The following IDUA variants were observed in gnomAD, a reference collection of about 807,000 sequenced individuals.
The protein encoded by IDUA is iduronidase alpha-L-.
A neutral mutation model predicts 68.9 loss-of-function variants in IDUA; 65 were observed. The observed-to-expected ratio is 0.94, with a 90% CI of 0.77 to 1.16. IDUA has a LOEUF of 1.16. Among genes scored for constraint, IDUA ranks in the 50% most tolerant of loss-of-function variants. The pLI is 0.00. For missense variants in IDUA, 1,046 were observed against 938.0 expected (o/e 1.12, Z -1.50); for synonymous variants, 529 against 433.6 (o/e 1.22, Z -2.73).
Position 987,808 on chromosome 4 carries a change from G to GC in IDUA, c.164dup (p.Leu56AlafsTer7), listed in dbSNP as rs727503966. The GC allele has an allele frequency of 8.1e-6, 13 of 1,612,180 alleles. No homozygotes were observed. The East Asian group carries it at 2.5e-4, about 30-fold the overall frequency. On this transcript the variant is annotated frameshift_variant and splice_region_variant. Coordinates refer to ENST00000514224, the MANE Select transcript of IDUA (RefSeq NM_000203.5). LOFTEE classifies it high-confidence loss of function. ...CTGAGCCGCCCCTTTGTTGTCCCCA[G>GC]CCCCCCGCTGCCACACAGCCAGGCT...
At position 1,001,973 on chromosome 4, in the gene IDUA, C is replaced by A. The variant is rs375798875; in HGVS notation, c.793-9C>A. The A allele has an allele frequency of 2.7e-5, 42 of 1,577,300 alleles. No individual in the cohort carries two copies. The highest frequency in any genetic ancestry group is 3.6e-5 in the Non-Finnish European group (42 of 1,163,252). On this transcript the variant is annotated splice_polypyrimidine_tract_variant and intron_variant, in intron 6 of 13. Transcript: ENST00000514224. ...GACCCTGGTGGTGCTGAGGCGGCCC[C>A]GCCCGCAGGGTGCGCGCAGCTCCAT...
At chr4:995,336 C>A (rs1226870253) in intron 2 of IDUA, among the ~76,000 whole-genome samples, 4 of 151,902 alleles carry the variant, frequency 2.6e-5, no homozygotes, top group Admixed American at 2.0e-4. Flanking sequence ...AGCCACCGTG[C>A]CCGGCCAGTT....
At position 997,977 on chromosome 4, in the gene IDUA, G is replaced by C. The variant is rs114812668; in HGVS notation, c.300-2635G>C. On this transcript the variant is annotated intron_variant, in intron 2 of 13. Coordinates refer to ENST00000514224, the MANE Select transcript of IDUA (RefSeq NM_000203.5). Reference sequence around the variant, plus strand: ...TTCTGCAGAGAAAACCTGAAGCCCAGCTGGGTCTTCACTTTCCTCCAGGTC... The same window carrying C: ...TTCTGCAGAGAAAACCTGAAGCCCACCTGGGTCTTCACTTTCCTCCAGGTC... 9.8e-3 allele frequency among the ~76,000 whole-genome samples: 1,493 copies of C among 152,348 alleles called. 37 individuals carry two copies. Among genetic ancestry groups the C allele is most frequent in the African/African-American group, 0.034 (1,395 of 41,584 alleles).
At position 1,002,265 on chromosome 4, in the gene IDUA, G is replaced by A. The variant is rs745832717; in HGVS notation, c.973-4G>A. 3 of 1,609,082 alleles carry A rather than the reference G, an allele frequency of 1.9e-6. No individual in the cohort carries two copies. Among genetic ancestry groups the A allele is most frequent in the Non-Finnish European group, 2.5e-6 (3 of 1,178,200 alleles). ...CCGGTCCCAGCTGCCCTGGACACCC[G>A]CAGGTCATCGCGCAGCATCAGAACC... On this transcript the variant is annotated splice_region_variant and splice_polypyrimidine_tract_variant and intron_variant, in intron 7 of 13. Transcript: ENST00000514224.
In IDUA at chr4:987,051, C is replaced by A; in HGVS notation, c.-34C>A. On this transcript the variant is annotated 5_prime_UTR_variant, in exon 1 of 14. Transcript: ENST00000514224. ...CCCGGAGGCGGAACCGGCAGTGCAGCCCGAAGCCCCGCAGTCCCCGAGCAC... is the reference window on the plus strand; with the variant it reads ...CCCGGAGGCGGAACCGGCAGTGCAGACCGAAGCCCCGCAGTCCCCGAGCAC... 2 of 1,517,306 alleles carry A rather than the reference C, an allele frequency of 1.3e-6. No individual in the cohort carries two copies. Among genetic ancestry groups the A allele is most frequent in the Admixed American group, 2.0e-5 (1 of 51,106 alleles). The allele number at this position is 1,517,306 out of a possible 1,614,324, so 94.0% of individuals were successfully genotyped here. A position where few individuals can be genotyped will look rare whatever the true frequency, so the allele number is the denominator to read the frequency against.
intron 8 of IDUA, 92 bp downstream of exon 8, chr4:1,002,577 C>T: frequency 7.9e-7 from 1 of 1,268,100 alleles, no homozygotes; most frequent in Non-Finnish European, 1.0e-6. Flanking sequence ...CGCACTTCCT[C>T]CAGCCGCGCG....
Position 989,528 on chromosome 4 carries a change from C to T in IDUA, c.299+1579C>T, listed in dbSNP as rs764316049. On this transcript the variant is annotated intron_variant, in intron 2 of 13. Coordinates refer to ENST00000514224, the MANE Select transcript of IDUA (RefSeq NM_000203.5). ...GCCGCGGTGCCTGCCCAGACCAGCG[C>T]GTCAGCCGGGCTCATCCGCCACAGC... 24 of 1,556,022 alleles carry T rather than the reference C, an allele frequency of 1.5e-5. No individual in the cohort carries two copies. In the East Asian group the frequency reaches 2.4e-4, roughly 15 times the overall value.
intron 2 of IDUA, among the ~76,000 whole-genome samples, chr4:999,198 C>A (rs1267357445): frequency 7.2e-6 from 1 of 139,830 alleles, no homozygotes; most frequent in Non-Finnish European, 1.5e-5. Context: ...GAGTGAGACT[C>A]TGTCTCAAAA....
Position 1,002,365 on chromosome 4 carries a change from CCGCACCCCTTCG to C in IDUA, c.1074_1085del (p.His358_Ala361del). 1 of 1,612,792 alleles carries C rather than the reference CCGCACCCCTTCG, an allele frequency of 6.2e-7. No individual in the cohort carries two copies. The highest frequency in any genetic ancestry group is 1.1e-5 in the South Asian group (1 of 91,040). ...CGACAATGCCTTCCTGAGCTACCAC[CCGCACCCCTTCG>C]CGCAGCGCACGCTCACCGCGCGCTT... On this transcript the variant is annotated inframe_deletion, in exon 8 of 14. Transcript: ENST00000514224.
In IDUA at chr4:1,000,976, C is replaced by T; in HGVS notation, c.480C>T (p.Ala160=). ...FEWKDLVSSL[A]RRYIGRYGLA... Reference sequence around the variant, plus strand: ...GGAAGGACTTGGTCTCCAGCCTGGCCAGGAGATACATCGGTGGGCGAGCGC... The same window carrying T: ...GGAAGGACTTGGTCTCCAGCCTGGCTAGGAGATACATCGGTGGGCGAGCGC... The change falls in exon 4 of 14, where the codon GCC becomes GCT. Residue 160 remains alanine, a synonymous_variant. Transcript: ENST00000514224. 1 of 1,612,308 alleles carries T rather than the reference C, an allele frequency of 6.2e-7. No individual in the cohort carries two copies. Among genetic ancestry groups the T allele is most frequent in the Non-Finnish European group, 8.5e-7 (1 of 1,179,086 alleles).
At chr4:997,036 T>C (rs1284595826) in intron 2 of IDUA, among the ~76,000 whole-genome samples, 1 of 152,176 alleles carries the variant, frequency 6.6e-6, no homozygotes, top group African/African-American at 2.4e-5. Context: ...AGTTTTGTCT[T>C]TAAATCAGCC....
At chr4:991,495 G>C (rs747429057) in intron 2 of IDUA, 5 of 1,610,354 alleles carry the variant, frequency 3.1e-6, no homozygotes, top group South Asian at 1.1e-5. Context: ...GACGTCGCCT[G>C]CCAGGTACTC....
rs772313310 is a variant in IDUA at position 1,004,262 on chromosome 4, A to G, written c.1831A>G (p.Thr611Ala). 1 of 1,610,002 alleles carries G rather than the reference A, an allele frequency of 6.2e-7. No homozygotes were observed. Among genetic ancestry groups the G allele is most frequent in the Non-Finnish European group, 8.5e-7 (1 of 1,179,948 alleles). Residue 611 changes from threonine (T) to alanine (A), a missense_variant and splice_region_variant, in exon 14 of 14, where the codon ACA becomes GCA. Transcript: ENST00000514224. The surrounding 1 kb of genome is among the most constrained non-coding windows in gnomAD (Gnocchi z 5.0). ...TFNLFVFSPD[T>A]GAVSGSYRVR... ...CACACATGTCCCCTTGTCTCCAGAC[A>G]CAGGTGCTGTCTCTGGCTCCTACCG...
At chr4:999,139 A>G (rs1489494884) in intron 2 of IDUA, among the ~76,000 whole-genome samples, 2 of 150,800 alleles carry the variant, frequency 1.3e-5, no homozygotes, top group African/African-American at 4.9e-5. Context: ...CGGGAGGGGG[A>G]GCTTGCAGTG....
chr4:991,045 C>T, intron 2 of IDUA: 2 of 1,355,176 alleles, frequency 1.5e-6, no homozygotes, highest in Non-Finnish European at 2.0e-6. Context: ...CCTGTGCTTG[C>T]CCCCAGCCTT....
Position 1,004,245 on chromosome 4 carries a change from TC to T in IDUA, c.1829-11del, listed in dbSNP as rs1167594346. The T allele has an allele frequency of 1.2e-6, 2 of 1,609,364 alleles. No homozygotes were observed. The highest frequency in any genetic ancestry group is 1.7e-6 in the Non-Finnish European group (2 of 1,179,932). On this transcript the variant is annotated splice_polypyrimidine_tract_variant and intron_variant, in intron 13 of 13. Transcript: ENST00000514224. This position sits in a 1 kb window ranked among gnomAD's most constrained non-coding sequence, Gnocchi z 5.0. The stretch of plus-strand genomic sequence containing the variant: ...GGGCAGGTTCCGGTTGGCACACATG[TC>T]CCCTTGTCTCCAGACACAGGTGCTG...
chr4:1,004,548 C>T lies in IDUA; in HGVS notation c.*155C>T, dbSNP rs756849776. The T allele has an allele frequency of 8.2e-4, 620 of 757,540 alleles. 2 individuals are homozygous for T. Among genetic ancestry groups the T allele is most frequent in the Non-Finnish European group, 4.9e-4 (241 of 487,792 alleles). The allele number at this position is 757,540 out of a possible 1,614,324, so 46.9% of individuals were successfully genotyped here. A position where few individuals can be genotyped will look rare whatever the true frequency, so the allele number is the denominator to read the frequency against. On this transcript the variant is annotated 3_prime_UTR_variant, in exon 14 of 14. Coordinates refer to ENST00000514224, the MANE Select transcript of IDUA (RefSeq NM_000203.5). The surrounding 1 kb of genome is among the most constrained non-coding windows in gnomAD (Gnocchi z 5.0). ...CTTGGTACCAACGCCCCCTTTAAAG[C>T]GGCTTTGCACAGGTCAGTCTCGGGT...
chr4:987,667 T>A (rs1713841959), intron 1 of IDUA, 142 bp from the exon 2 acceptor site: 21 of 1,484,160 alleles, frequency 1.4e-5, no homozygotes, highest in Non-Finnish European at 1.8e-5. Context: ...TTCCTGGCCC[T>A]AAGGGTCATT....
At chr4:993,741 C>T (rs963059394) in intron 2 of IDUA, among the ~76,000 whole-genome samples, 1 of 152,216 alleles carries the variant, frequency 6.6e-6, no homozygotes, top group Non-Finnish European at 1.5e-5. Context: ...CCAGGCGGGG[C>T]TGAGGGAGGC....
Sources: gnomAD v4.1 joint callset for allele counts (sites outside exome capture counted in the v4.1 genomes callset) on GRCh38, gnomAD v4.1.1 for gene constraint, Gnocchi (gnomAD v3.1) non-coding constraint, MANE v1.5 for transcripts, NCBI Gene and HGNC (gene_info 2026-07-23, HGNC 2026-07-21) for gene names.